Variants in KCNK9 observed in about 807,000 individuals in gnomAD.
The protein encoded by KCNK9 is potassium channel subfamily K member 9.
KCNK9 carries 1 observed loss-of-function variant against 10.8 expected under a neutral mutation model. The observed-to-expected ratio is 0.09, with a 90% CI of 0.03 to 0.44. KCNK9 has a LOEUF of 0.44. Ranked by LOEUF, KCNK9 falls within the 20% of genes least tolerant of loss-of-function variation. The pLI is 0.97. For missense variants in KCNK9, 303 were observed against 515.0 expected, an observed-to-expected ratio of 0.59 and a Z score of 3.98; for synonymous variants, 231 against 222.7, an observed-to-expected ratio of 1.04 and a Z score of -0.33.
At chr8:139,629,022 A>G (rs1815075702) in intron 1 of KCNK9, among the ~76,000 whole-genome samples, 1 of 152,192 alleles carries the variant, frequency 6.6e-6, no homozygotes, top group Non-Finnish European at 1.5e-5. Context: ...CCTGGCTCCG[A>G]CTGCAGTCGG....
chr8:139,654,218 C>T (rs543181201), intron 1 of KCNK9, among the ~76,000 whole-genome samples: 1 of 152,378 alleles, frequency 6.6e-6, no homozygotes, highest in East Asian at 1.9e-4. Flanking sequence ...CCAGCGAAGG[C>T]TCTGGGGAGC....
chr8:139,702,893 C>G lies in KCNK9; in HGVS notation c.100G>C (p.Glu34Gln). Residue 34 changes from glutamate to glutamine, a missense_variant, in exon 1 of 2, where the codon GAG becomes CAG. Transcript: ENST00000520439. The surrounding 1 kb of genome is among the most constrained non-coding windows in gnomAD (Gnocchi z 7.5). ...TTGAGTTTCTCCTCCTCGCGCATCT[C>G]GTGGTCCGACTCGAGGGCGTCGAAC... ...AVFDALESDH[E>Q]MREEEKLKAE... The G allele has an allele frequency of 6.2e-7, 1 of 1,613,872 alleles. No individual in the cohort carries two copies. Among genetic ancestry groups the G allele is most frequent in the Non-Finnish European group, 8.5e-7 (1 of 1,179,952 alleles).
intron 1 of KCNK9, among the ~76,000 whole-genome samples, chr8:139,687,563 C>CAT (rs1185259295): frequency 9.6e-6 from 1 of 104,694 alleles, no homozygotes; most frequent in Non-Finnish European, 1.9e-5. Context: ...TATATGTATA[C>CAT]ATATATTCAT....
At chr8:139,687,072 A>G (rs563566621) in intron 1 of KCNK9, among the ~76,000 whole-genome samples, 1 of 152,292 alleles carries the variant, frequency 6.6e-6, no homozygotes, top group Admixed American at 6.5e-5. Context: ...CTCCTATAAG[A>G]ACACCAAGAG....
chr8:139,626,702 C>G (rs2257781), intron 1 of KCNK9, among the ~76,000 whole-genome samples: 101,949 of 152,168 alleles, frequency 0.67, 34,868 homozygotes, highest in African/African-American at 0.82. Flanking sequence ...TGCCCAGCAC[C>G]GGAAGGAGAT....
Position 139,618,108 on chromosome 8 carries a change from T to G in KCNK9, c.*150A>C. ...GTCTGGCTGGAAAGGTGGGGGAAAATGAGACCAAGAGACCAAGAAAGGAGG... is the reference window on the plus strand; with the variant it reads ...GTCTGGCTGGAAAGGTGGGGGAAAAGGAGACCAAGAGACCAAGAAAGGAGG... On this transcript the variant is annotated 3_prime_UTR_variant, in exon 2 of 2. Transcript: ENST00000520439. The surrounding 1 kb of genome is among the most constrained non-coding windows in gnomAD (Gnocchi z 7.9). The G allele has an allele frequency of 8.8e-7, 1 of 1,136,442 alleles. No homozygotes were observed. The highest frequency in any genetic ancestry group is 1.5e-5 in the South Asian group (1 of 67,484). 70.4% of individuals were successfully genotyped at this position (1,136,442 alleles called of 1,614,324 possible).
chr8:139,661,537 C>T (rs1816151127), intron 1 of KCNK9, among the ~76,000 whole-genome samples: 1 of 152,198 alleles, frequency 6.6e-6, no homozygotes, highest in South Asian at 2.1e-4. Flanking sequence ...GAAGGGTATG[C>T]CCTCCCCTCT....
intron 1 of KCNK9, among the ~76,000 whole-genome samples, chr8:139,681,223 C>CT (rs1336557914): frequency 1.3e-5 from 2 of 152,234 alleles, no homozygotes; most frequent in East Asian, 3.8e-4. Context: ...AAACACTAGG[C>CT]TCCAAGCTAT....
At chr8:139,640,674 C>T (rs537674019) in intron 1 of KCNK9, among the ~76,000 whole-genome samples, 60 of 152,324 alleles carry the variant, frequency 3.9e-4, no homozygotes, top group African/African-American at 6.0e-4. Flanking sequence ...CAACCCTGGA[C>T]GGGACTCCTG....
downstream of KCNK9, among the ~76,000 whole-genome samples, chr8:139,616,205 C>G (rs141618589): frequency 3.0e-3 from 463 of 152,324 alleles, 3 homozygotes; most frequent in African/African-American, 0.011. Flanking sequence ...GCACACTCTT[C>G]TGAAGCATAA....
At chr8:139,645,678 G>A (rs1404316849) in intron 1 of KCNK9, among the ~76,000 whole-genome samples, 1 of 152,156 alleles carries the variant, frequency 6.6e-6, no homozygotes, top group Non-Finnish European at 1.5e-5. Context: ...GCCTGGCATG[G>A]GCTTGTTTTG....
At chr8:139,670,930 A>T (rs1563744764) in intron 1 of KCNK9, among the ~76,000 whole-genome samples, 1 of 152,160 alleles carries the variant, frequency 6.6e-6, no homozygotes, top group Admixed American at 6.5e-5. Flanking sequence ...CAGGGCAGGG[A>T]CAGGGCCCCA....
chr8:139,624,136 A>T (rs566240918), intron 1 of KCNK9, among the ~76,000 whole-genome samples: 1 of 152,288 alleles, frequency 6.6e-6, no homozygotes, highest in East Asian at 1.9e-4. Flanking sequence ...CACACAAGGG[A>T]CGCAGCCAGC....
At chr8:139,616,907 A>ACC (rs34616673), downstream of KCNK9, 1 of 151,836 alleles carries the variant, frequency 6.6e-6, no homozygotes, top group Admixed American at 6.6e-5. Context: ...AGCCTGAACT[A>ACC]CCCCACCACC....
chr8:139,642,529 C>T (rs1190976292), intron 1 of KCNK9, among the ~76,000 whole-genome samples: 2 of 152,228 alleles, frequency 1.3e-5, no homozygotes, highest in South Asian at 2.1e-4. Flanking sequence ...GGAGGCTGCC[C>T]GCAGGAAGTC....
intron 1 of KCNK9, among the ~76,000 whole-genome samples, chr8:139,630,282 A>G (rs1815122128): frequency 6.6e-6 from 1 of 152,178 alleles, no homozygotes; most frequent in Admixed American, 6.5e-5. Context: ...GCTGAGCCTC[A>G]GAGGATAAGG....
intron 2 of KCNK9, among the ~76,000 whole-genome samples, chr8:139,602,659 C>T (rs1443393711): frequency 6.6e-6 from 1 of 152,138 alleles, no homozygotes; most frequent in Non-Finnish European, 1.5e-5. Context: ...AGCCAAGTGA[C>T]CAAGGACACA....
intron 1 of KCNK9, among the ~76,000 whole-genome samples, chr8:139,696,892 G>C (rs1168933933): frequency 6.7e-6 from 1 of 150,058 alleles, no homozygotes; most frequent in Non-Finnish European, 1.5e-5. Context: ...TGGATGGGTG[G>C]ATGAATAGAT....
intron 1 of KCNK9, among the ~76,000 whole-genome samples, chr8:139,665,946 G>A (rs886310447): frequency 6.6e-6 from 1 of 152,218 alleles, no homozygotes; most frequent in Non-Finnish European, 1.5e-5. Flanking sequence ...CCTCAAGAGG[G>A]TTAAATGCAT....
Sources: allele counts gnomAD v4.1 joint callset (sites outside exome capture counted in the v4.1 genomes callset), GRCh38; gene constraint gnomAD v4.1.1; non-coding constraint Gnocchi (gnomAD v3.1); transcripts MANE v1.5; gene names NCBI Gene and HGNC (gene_info 2026-07-23, HGNC 2026-07-21).